The following TACC2 variants were observed in gnomAD, a reference collection of about 807,000 sequenced individuals.
The protein encoded by TACC2 is transforming acidic coiled-coil-containing protein 2.
A neutral mutation model predicts 227.3 loss-of-function variants in TACC2; 137 were observed. The observed-to-expected ratio is 0.60, with a 90% CI of 0.52 to 0.69. The LOEUF is 0.69. TACC2 is among the 30% of genes least tolerant of loss of function. TACC2 has a pLI of 0.00. For missense variants in TACC2, 3,470 were observed against 3,694.4 expected, an observed-to-expected ratio of 0.94 and a Z score of 1.57; for synonymous variants, 1,523 against 1,487.5, an observed-to-expected ratio of 1.02 and a Z score of -0.55.
At chr10:122,071,733 A>AAC (rs1425265973) in intron 3 of TACC2, among the ~76,000 whole-genome samples, 1 of 149,044 alleles carries the variant, frequency 6.7e-6, no homozygotes, top group Non-Finnish European at 1.5e-5. Context: ...AAAAAAAAAA[A>AAC]AAAGTGATCT....
chr10:122,210,839 A>G lies in TACC2; in HGVS notation c.6414A>G (p.Lys2138=), dbSNP rs759573053. 6.7e-5 allele frequency: 108 copies of G among 1,611,538 alleles called. No individual in the cohort carries two copies. Among genetic ancestry groups the G allele is most frequent in the Non-Finnish European group, 8.8e-5 (104 of 1,179,438 alleles). Residue 2138 remains lysine (K), a synonymous_variant, in exon 9 of 23, where the codon AAA becomes AAG. Coordinates refer to ENST00000369005, the MANE Select transcript of TACC2 (RefSeq NM_206862.4). The surrounding 1 kb of genome is among the most constrained non-coding windows in gnomAD (Gnocchi z 4.6). ...CGAGGCCGCCTTCCTTAAAAAAGAA[A>G]CAGACCACCAAGAAACCCACAGAGA... ...KKPRPPSLKK[K]QTTKKPTETP...
intron 7 of TACC2, among the ~76,000 whole-genome samples, chr10:122,148,614 A>T (rs1482609387): frequency 2.0e-5 from 3 of 152,248 alleles, no homozygotes; most frequent in African/African-American, 7.2e-5. Context: ...TGGTGTATTG[A>T]CAAAGAAAGC....
chr10:122,033,655 T>C (rs1959214086), intron 2 of TACC2, among the ~76,000 whole-genome samples: 1 of 152,160 alleles, frequency 6.6e-6, no homozygotes, highest in African/African-American at 2.4e-5. Context: ...GCCCAAAGTG[T>C]TTGCCATCCA....
chr10:122,188,397 G>A (rs747896179), intron 7 of TACC2, among the ~76,000 whole-genome samples: 1 of 151,722 alleles, frequency 6.6e-6, no homozygotes, highest in Admixed American at 6.6e-5. Context: ...CTCTTGCCTC[G>A]GCCTCCCAAG....
rs1428220223 is a variant in TACC2 at position 122,073,120 on chromosome 10, AAAAAAAATAT to A, written c.147-9525_147-9516del. ...AGACTCTGTCTCAAAAAAAAAAAAAAAAAAAAATATATATATATATATATATATATATACA... is the reference window on the plus strand; with the variant it reads ...AGACTCTGTCTCAAAAAAAAAAAAAAATATATATATATATATATATATACA... On this transcript the variant is annotated intron_variant, in intron 3 of 22. Transcript: ENST00000369005. Among the ~76,000 whole-genome samples, 52 of 74,728 alleles carry A rather than the reference AAAAAAAATAT, an allele frequency of 7.0e-4. No homozygotes were observed. The Admixed American group carries it at 8.0e-3, about 11-fold the overall frequency. 49.0% of individuals were successfully genotyped at this position (74,728 alleles called of 152,430 possible). A position where few individuals can be genotyped will look rare whatever the true frequency, so the allele number is the denominator to read the frequency against.
At chr10:122,149,698 C>G (rs1341161112) in intron 7 of TACC2, among the ~76,000 whole-genome samples, 2 of 152,242 alleles carry the variant, frequency 1.3e-5, no homozygotes, top group Non-Finnish European at 2.9e-5. Flanking sequence ...CGCTCCCCAG[C>G]GCGGCACTTT....
At chr10:122,078,318 C>CT (rs1197862526) in intron 3 of TACC2, among the ~76,000 whole-genome samples, 3 of 151,746 alleles carry the variant, frequency 2.0e-5, no homozygotes. Flanking sequence ...TCCTGAAAAC[C>CT]TGGTCGTGCA....
In TACC2 at chr10:122,087,188, C is replaced by G. The variant is rs141300976; in HGVS notation, c.4688C>G (p.Pro1563Arg). 11,989 of 1,611,694 alleles carry G rather than the reference C, an allele frequency of 7.4e-3. 58 individuals are homozygous for G. The highest frequency in any genetic ancestry group is 8.9e-3 in the Non-Finnish European group (10,476 of 1,179,178). ...GAATTAGCTTCAGGTCTTCCTTCACCAGCAGCTACTCAGGAGCTCCCTGTG... is the reference window on the plus strand; with the variant it reads ...GAATTAGCTTCAGGTCTTCCTTCACGAGCAGCTACTCAGGAGCTCCCTGTG... The part of the protein sequence containing the change: ...RQELASGLPS[P>R]AATQELPVER... The change falls in exon 4 of 23, where the codon CCA becomes CGA. Residue 1563 changes from proline to arginine, a missense_variant. Pro to Arg is a moderately radical substitution (Grantham distance 103). Around this residue, in one of 10 missense-constraint regions of TACC2, gnomAD observed 1,924 missense variants for 1,978.3 expected, o/e 0.97. Transcript: ENST00000369005.
At chr10:122,052,377 T>C (rs551858646) in intron 3 of TACC2, 3 of 152,228 alleles carry the variant, frequency 2.0e-5, no homozygotes, top group Admixed American at 1.3e-4. Context: ...ATTTTTCCCT[T>C]GAAGAATTGC....
intron 5 of TACC2, among the ~76,000 whole-genome samples, chr10:122,124,245 C>T (rs1005356976): frequency 6.6e-6 from 1 of 152,140 alleles, no homozygotes; most frequent in Non-Finnish European, 1.5e-5. Context: ...TTCTTCATGT[C>T]CCTTCCCTCT....
At position 122,050,526 on chromosome 10, in the gene TACC2, GC is replaced by G; in HGVS notation, c.125del (p.Pro42LeufsTer36). On this transcript the variant is annotated frameshift_variant, in exon 3 of 23. Transcript: ENST00000369005. LOFTEE classifies it high-confidence loss of function. This position sits in a 1 kb window ranked among gnomAD's most constrained non-coding sequence, Gnocchi z 4.6. Reference protein sequence around the residue: ...IKRKQQDTPGSPDHRDASSIG... With the variant: ...IKRKQQDTPGXPDHRDASSIG... ...AGGAAGCAGCAGGACACGCCCGGAA[GC>G]CCTGACCACAGAGACGCGTCCAGGT... is the stretch of plus-strand genomic sequence containing the variant. 1 of 1,614,060 alleles carries G rather than the reference GC, an allele frequency of 6.2e-7. No individual in the cohort carries two copies. The highest frequency in any genetic ancestry group is 1.1e-5 in the South Asian group (1 of 91,058).
intron 5 of TACC2, among the ~76,000 whole-genome samples, chr10:122,111,293 C>T (rs1269393145): frequency 1.3e-5 from 2 of 152,214 alleles, no homozygotes; most frequent in Non-Finnish European, 2.9e-5. Context: ...TACAGACCTA[C>T]CAGTAGATTT....
Position 122,016,742 on chromosome 10 carries a change from C to T in TACC2, c.-45-5195C>T, listed in dbSNP as rs1042501250. Among the ~76,000 whole-genome samples, 8 of 152,090 alleles carry T rather than the reference C, an allele frequency of 5.3e-5. No individual in the cohort carries two copies. In the South Asian group the frequency reaches 8.3e-4, roughly 16 times the overall value. On this transcript the variant is annotated intron_variant, in intron 1 of 22. Coordinates refer to ENST00000369005, the MANE Select transcript of TACC2 (RefSeq NM_206862.4). Reference sequence around the variant, plus strand: ...GCTTTACATTTCCCCCAGCTTCTTCCGACTCCAAGTTTCTTCTTCTATAAG... The same window carrying T: ...GCTTTACATTTCCCCCAGCTTCTTCTGACTCCAAGTTTCTTCTTCTATAAG...
intron 18 of TACC2, chr10:122,241,512 A>G (rs1353611038): frequency 6.0e-6 from 1 of 168,014 alleles, no homozygotes; most frequent in African/African-American, 2.4e-5. Flanking sequence ...GCTGGTCTCG[A>G]ACTCTTGGAC....
chr10:122,211,137 A>G lies in TACC2; in HGVS notation c.6712A>G (p.Thr2238Ala). 6.2e-7 allele frequency: 1 copy of G among 1,609,080 alleles called. No homozygotes were observed. Among genetic ancestry groups the G allele is most frequent in the East Asian group, 2.2e-5 (1 of 44,806 alleles). Residue 2238 changes from threonine to alanine, a missense_variant, in exon 9 of 23, where the codon ACG (threonine) becomes GCG (alanine). Transcript: ENST00000369005. The part of the protein sequence containing the change: ...PVGRKTLPLT[T>A]APEAGEVTPS... ...CGGGAGGAAAACGCTGCCTCTTACCACGGCCCCGGAGGCAGGGGAGGTAAC... is the reference window on the plus strand; with the variant it reads ...CGGGAGGAAAACGCTGCCTCTTACCGCGGCCCCGGAGGCAGGGGAGGTAAC...
chr10:122,208,459 C>T (rs11200481), intron 8 of TACC2, among the ~76,000 whole-genome samples: 13,361 of 152,158 alleles, frequency 0.088, 964 homozygotes, highest in East Asian at 0.29. Context: ...GATTTGCAGT[C>T]GGGAGCATGA....
At chr10:122,189,253 T>C (rs1183633065) in intron 7 of TACC2, among the ~76,000 whole-genome samples, 3 of 152,206 alleles carry the variant, frequency 2.0e-5, no homozygotes, top group Admixed American at 1.3e-4. Flanking sequence ...TTGAATAGAA[T>C]CTAGCATGCG....
At chr10:122,076,799 A>G (rs1003741240) in intron 3 of TACC2, among the ~76,000 whole-genome samples, 3 of 152,102 alleles carry the variant, frequency 2.0e-5, no homozygotes, top group East Asian at 1.9e-4. Context: ...CTGGAATGCT[A>G]TGCTTGATGG....
intron 5 of TACC2, among the ~76,000 whole-genome samples, chr10:122,120,366 G>A (rs2085494908): frequency 6.6e-6 from 1 of 152,174 alleles, no homozygotes; most frequent in African/African-American, 2.4e-5. Flanking sequence ...ACCCTAGAGA[G>A]AATAGTCGAA....
Sources: gnomAD v4.1 joint callset for allele counts (sites outside exome capture counted in the v4.1 genomes callset) on GRCh38, gnomAD v4.1.1 for gene constraint, gnomAD v4.1.1 regional missense constraint, Gnocchi (gnomAD v3.1) non-coding constraint, MANE v1.5 for transcripts, NCBI Gene and HGNC (gene_info 2026-07-23, HGNC 2026-07-21) for gene names.